Variants in RHPN1 observed in about 807,000 individuals in gnomAD.
The protein encoded by RHPN1 is rhophilin Rho GTPase binding protein 1.
A neutral mutation model predicts 74.7 loss-of-function variants in RHPN1; 77 were observed. That is an observed-to-expected ratio of 1.03 (90% CI 0.86 to 1.25). The LOEUF (loss-of-function observed/expected upper bound fraction) is 1.25. Among genes scored for constraint, RHPN1 ranks in the 50% most tolerant of loss-of-function variants. The pLI is 0.00. For missense variants in RHPN1, 987 were observed against 932.2 expected, an observed-to-expected ratio of 1.06 and a Z score of -0.77; for synonymous variants, 444 against 414.5, an observed-to-expected ratio of 1.07 and a Z score of -0.87.
At chr8:143,375,436 G>T in intron 1 of RHPN1, 117 bp from the exon 2 acceptor site, 1 of 646,366 alleles carries the variant, frequency 1.5e-6, no homozygotes, top group South Asian at 2.2e-5. Flanking sequence ...CAGCCCCAGC[G>T]CATGGTGACC....
rs891345747 is a variant in RHPN1 at position 143,380,149 on chromosome 8, A to G, written c.1190A>G (p.Gln397Arg). Residue 397 changes from glutamine (Q) to arginine (R), a missense_variant, in exon 10 of 15, where the codon CAG (glutamine) becomes CGG (arginine). Coordinates refer to ENST00000289013, the MANE Select transcript of RHPN1 (RefSeq NM_052924.3). ...AAGCCCCGAGGCCCTGTGCTGCCGC[A>G]GGAGCTGGAGGAGCGCAGGCAGCTT... ...SSKPRGPVLP[Q>R]ELEERRQLGK... The G allele has an allele frequency of 1.9e-6, 3 of 1,545,716 alleles. No homozygotes were observed. Among genetic ancestry groups the G allele is most frequent in the African/African-American group, 2.7e-5 (2 of 73,040 alleles).
At chr8:143,367,414 T>A (rs1021703789), upstream of RHPN1, 1 of 152,346 alleles carries the variant, frequency 6.6e-6, no homozygotes, top group South Asian at 2.1e-4. Flanking sequence ...GAGGATCACA[T>A]GAGCCCAGGA....
chr8:143,378,362 G>GCCCCCC lies in RHPN1; in HGVS notation c.459+19_459+20insCCCCCC. ...CCTGCGGCAGGTGTGTGGTTCCCCC[G>GCCCCCC]CCCACCCACCCTCCTGCAGCCCTGG... On this transcript the variant is annotated intron_variant, in intron 5 of 14. Transcript: ENST00000289013. 7.2e-7 allele frequency: 1 copy of GCCCCCC among 1,386,118 alleles called. No individual in the cohort carries two copies. The highest frequency in any genetic ancestry group is 9.4e-7 in the Non-Finnish European group (1 of 1,058,220). The allele number at this position is 1,386,118 out of a possible 1,614,324, so 85.9% of individuals were successfully genotyped here.
In RHPN1 at chr8:143,375,637, C is replaced by T; in HGVS notation, c.145C>T (p.Gln49Ter). The T allele has an allele frequency of 6.2e-7, 1 of 1,608,764 alleles. No homozygotes were observed. Among genetic ancestry groups the T allele is most frequent in the Non-Finnish European group, 8.5e-7 (1 of 1,178,210 alleles). ...TCACCAGCAGATTGACAAGGAGCTG[C>T]AGATGCGGACGGGCGCTGAGAACCT... ...QIHQQIDKEL[Q>*]MRTGAENLYR... The change falls in exon 2 of 15, where the codon CAG becomes TAG. Residue 49 changes from glutamine to a stop codon, truncating the protein, a stop_gained. Coordinates refer to ENST00000289013, the MANE Select transcript of RHPN1 (RefSeq NM_052924.3). LOFTEE classifies it high-confidence loss of function.
At chr8:143,376,763 T>C (rs932519589) in intron 3 of RHPN1, 110 bp downstream of exon 3, 1 of 1,293,848 alleles carries the variant, frequency 7.7e-7, no homozygotes, top group African/African-American at 1.8e-5. Context: ...GTGTGCATTG[T>C]CTGTGTGTGT....
chr8:143,376,630 C>T lies in RHPN1; in HGVS notation c.282C>T (p.Gly94=), dbSNP rs1161099982. The part of the protein sequence containing the change: ...LKEELEELSG[G]VDPGRHGSEA... ...AGGAGCTGGAGGAGCTCAGCGGTGG[C>T]GTGGACCCTGGCCGGCATGGGAGGT... is the stretch of plus-strand genomic sequence containing the variant. The change falls in exon 3 of 15, where the codon GGC becomes GGT. Residue 94 remains glycine, a synonymous_variant. Transcript: ENST00000289013. 8.9e-6 allele frequency: 14 copies of T among 1,580,480 alleles called. No homozygotes were observed. Among genetic ancestry groups the T allele is most frequent in the South Asian group, 1.2e-5 (1 of 86,930 alleles).
At chr8:143,381,137 T>A (rs1818694608) in intron 11 of RHPN1, 131 bp from the exon 12 acceptor site, 1 of 761,064 alleles carries the variant, frequency 1.3e-6, no homozygotes, top group Admixed American at 2.6e-5. Flanking sequence ...CTCCCACCAT[T>A]GCAGAGTGGC....
intron 14 of RHPN1, 21 bp downstream of exon 14, chr8:143,381,989 A>G (rs1818773091): frequency 2.6e-6 from 4 of 1,556,278 alleles, no homozygotes; most frequent in Admixed American, 1.9e-5. Context: ...GGGGCCCCAG[A>G]GGGGCGGTCC....
chr8:143,376,631 G>T lies in RHPN1; in HGVS notation c.283G>T (p.Val95Leu). The T allele has an allele frequency of 6.3e-7, 1 of 1,578,708 alleles. No homozygotes were observed. Among genetic ancestry groups the T allele is most frequent in the South Asian group, 1.2e-5 (1 of 86,788 alleles). The change falls in exon 3 of 15, where the codon GTG becomes TTG. Residue 95 changes from valine (V) to leucine (L), a missense_variant. Coordinates refer to ENST00000289013, the MANE Select transcript of RHPN1 (RefSeq NM_052924.3). ...KEELEELSGG[V>L]DPGRHGSEAV... Reference sequence around the variant, plus strand: ...GGAGCTGGAGGAGCTCAGCGGTGGCGTGGACCCTGGCCGGCATGGGAGGTG... The same window carrying T: ...GGAGCTGGAGGAGCTCAGCGGTGGCTTGGACCCTGGCCGGCATGGGAGGTG...
intron 1 of RHPN1, 128 bp downstream of exon 1, chr8:143,369,175 T>G: frequency 1.5e-6 from 1 of 649,430 alleles, no homozygotes; most frequent in Non-Finnish European, 2.4e-6. Context: ...GCAGGGAAAC[T>G]GAGGCCAGAG....
At chr8:143,374,794 A>T (rs372908123) in intron 1 of RHPN1, among the ~76,000 whole-genome samples, 1 of 152,198 alleles carries the variant, frequency 6.6e-6, no homozygotes, top group African/African-American at 2.4e-5. Context: ...AGTGAAATGT[A>T]AGCTCCAGCA....
In RHPN1 at chr8:143,382,453, C is replaced by T; in HGVS notation, c.1815C>T (p.Val605=). The T allele has an allele frequency of 6.3e-7, 1 of 1,577,394 alleles. No homozygotes were observed. Among genetic ancestry groups the T allele is most frequent in the Non-Finnish European group, 8.6e-7 (1 of 1,162,782 alleles). Residue 605 remains valine, a synonymous_variant, in exon 15 of 15, where the codon GTC becomes GTT. Transcript: ENST00000289013. ...RLPSLGDRRP[V]LLGPRGLLRS... ...TGCTGCAGGGGGACCGCCGGCCCGT[C>T]CTGCTGGGCCCCAGGGGGCTTCTAA... is the stretch of plus-strand genomic sequence containing the variant.
chr8:143,381,195 C>T (rs1563803957), intron 11 of RHPN1, 73 bp from the exon 12 acceptor site: 1 of 1,317,750 alleles, frequency 7.6e-7, no homozygotes, highest in Admixed American at 2.0e-5. Context: ...AGGGTCATGC[C>T]CTGCGCCCTG....
chr8:143,368,658 C>G (rs769270473), upstream of RHPN1: 4 of 200,046 alleles, frequency 2.0e-5, no homozygotes, highest in East Asian at 1.1e-4. Flanking sequence ...CGCGGGCGTT[C>G]CGGCCGCGGT....
In RHPN1 at chr8:143,376,643, C is replaced by T. The variant is rs780025833; in HGVS notation, c.295C>T (p.Arg99Trp). The change falls in exon 3 of 15, where the codon CGG becomes TGG. Residue 99 changes from arginine (R) to tryptophan (W), a missense_variant. Arg to Trp is a moderately radical substitution (Grantham distance 101). Coordinates refer to ENST00000289013, the MANE Select transcript of RHPN1 (RefSeq NM_052924.3). ...GCTCAGCGGTGGCGTGGACCCTGGCCGGCATGGGAGGTGCGGGTGGGGGCC... is the reference window on the plus strand; with the variant it reads ...GCTCAGCGGTGGCGTGGACCCTGGCTGGCATGGGAGGTGCGGGTGGGGGCC... ...EELSGGVDPG[R>W]HGSEAVTVPM... 77 of 1,569,408 alleles carry T rather than the reference C, an allele frequency of 4.9e-5. No individual in the cohort carries two copies. Among genetic ancestry groups the T allele is most frequent in the African/African-American group, 4.2e-4 (31 of 73,418 alleles).
intron 1 of RHPN1, among the ~76,000 whole-genome samples, chr8:143,372,080 G>T (rs954782184): frequency 6.6e-6 from 1 of 152,168 alleles, no homozygotes; most frequent in Non-Finnish European, 1.5e-5. Context: ...TGCCTGTGGG[G>T]CTCCAAGGGG....
rs925554627 is a variant in RHPN1 at position 143,369,059 on chromosome 8, T to C, written c.60+12T>C. On this transcript the variant is annotated intron_variant, in intron 1 of 14. Coordinates refer to ENST00000289013, the MANE Select transcript of RHPN1 (RefSeq NM_052924.3). ...GCCCGCGGCTGCAGGTGCGCAGAAC[T>C]GGCGCGGCGGCGGGAGGAGGGGCCC... 9 of 1,470,858 alleles carry C rather than the reference T, an allele frequency of 6.1e-6. No homozygotes were observed. In the African/African-American group the frequency reaches 1.2e-4, roughly 19 times the overall value. 91.1% of individuals were successfully genotyped at this position (1,470,858 alleles called of 1,614,324 possible).
chr8:143,379,091 C>T lies in RHPN1; in HGVS notation c.751+13C>T, dbSNP rs1223094339. 24 of 1,480,774 alleles carry T rather than the reference C, an allele frequency of 1.6e-5. No individual in the cohort carries two copies. Among genetic ancestry groups the T allele is most frequent in the Middle Eastern group, 2.1e-4 (1 of 4,816 alleles). The allele number at this position is 1,480,774 out of a possible 1,614,324, so 91.7% of individuals were successfully genotyped here. On this transcript the variant is annotated intron_variant, in intron 7 of 14. Transcript: ENST00000289013. ...CAGAGGGCCGCTGGTGAGGGCGGCC[C>T]GGGCCGCGGTGGGGCACGGCGCGGT...
intron 1 of RHPN1, chr8:143,374,225 C>G: frequency 1.0e-6 from 1 of 985,388 alleles, no homozygotes; most frequent in Non-Finnish European, 1.2e-6. Flanking sequence ...GAGAGGGTGT[C>G]GGGTCCACAG....
Sources: gnomAD v4.1 joint callset for allele counts (sites outside exome capture counted in the v4.1 genomes callset) on GRCh38, gnomAD v4.1.1 for gene constraint, MANE v1.5 for transcripts, NCBI Gene and HGNC (gene_info 2026-07-23, HGNC 2026-07-21) for gene names.